Variants in MYO1B observed in about 807,000 individuals in gnomAD.
MYO1B encodes myosin IB.
MYO1B carries 72 observed loss-of-function variants against 159.7 expected under a neutral mutation model. That is an observed-to-expected ratio of 0.45 (90% CI 0.37 to 0.55). The LOEUF is 0.55. MYO1B is among the 20% of genes least tolerant of loss of function. MYO1B has a pLI of 0.00. For synonymous variants in MYO1B, 468 were observed against 473.8 expected, an observed-to-expected ratio of 0.99 and a Z score of 0.16; for missense variants, 1,062 against 1,364.8, an observed-to-expected ratio of 0.78 and a Z score of 3.50.
intron 13 of MYO1B, among the ~76,000 whole-genome samples, chr2:191,374,685 A>G (rs1382657431): frequency 6.6e-6 from 1 of 152,226 alleles, no homozygotes; most frequent in African/African-American, 2.4e-5. Flanking sequence ...GATCAGTAGA[A>G]CATTGATACC....
chr2:191,355,752 C>T (rs1008635304), intron 7 of MYO1B, among the ~76,000 whole-genome samples: 5 of 152,140 alleles, frequency 3.3e-5, no homozygotes, highest in African/African-American at 9.7e-5. Flanking sequence ...TATTTTTTCT[C>T]GTCCTGGGGA....
chr2:191,312,607 T>C (rs1690075749), intron 3 of MYO1B, among the ~76,000 whole-genome samples: 1 of 152,256 alleles, frequency 6.6e-6, no homozygotes, highest in Admixed American at 6.5e-5. Context: ...TATACATGGA[T>C]ACTTTGTTGC....
intron 25 of MYO1B, among the ~76,000 whole-genome samples, 179 bp downstream of exon 25, chr2:191,408,368 T>A (rs1181955282): frequency 6.6e-6 from 1 of 152,256 alleles, no homozygotes; most frequent in Non-Finnish European, 1.5e-5. Context: ...TTCCAAATTC[T>A]GGTAGAATTG....
Position 191,414,612 on chromosome 2 carries a change from G to A in MYO1B, c.3102G>A (p.Val1034=). ...QIKSEVPLVD[V]TKVSMSSQND... ...AGTCAGAGGTTCCATTGGTGGATGTGACCAAGGTATCAATGAGCTCACAAA... is the reference window on the plus strand; with the variant it reads ...AGTCAGAGGTTCCATTGGTGGATGTAACCAAGGTATCAATGAGCTCACAAA... Residue 1034 remains valine (V), a synonymous_variant, in exon 29 of 31, where the codon GTG becomes GTA. Coordinates refer to ENST00000392318, the MANE Select transcript of MYO1B (RefSeq NM_001130158.3). 3.7e-6 allele frequency: 6 copies of A among 1,613,674 alleles called. No homozygotes were observed. Among genetic ancestry groups the A allele is most frequent in the Non-Finnish European group, 5.1e-6 (6 of 1,179,818 alleles).
At chr2:191,363,440 G>A (rs928164524) in intron 9 of MYO1B, among the ~76,000 whole-genome samples, 2 of 151,996 alleles carry the variant, frequency 1.3e-5, no homozygotes, top group Non-Finnish European at 2.9e-5. Flanking sequence ...TAAAAAAAAC[G>A]ACATACATAC....
chr2:191,420,533 A>G (rs1270063315), intron 30 of MYO1B, among the ~76,000 whole-genome samples: 1 of 152,244 alleles, frequency 6.6e-6, no homozygotes, highest in African/African-American at 2.4e-5. Flanking sequence ...CTACAGTACA[A>G]TAACACGCTG....
intron 30 of MYO1B, among the ~76,000 whole-genome samples, chr2:191,423,527 G>A (rs1039117395): frequency 1.3e-5 from 2 of 152,148 alleles, no homozygotes; most frequent in East Asian, 1.9e-4. Flanking sequence ...ATTTTTCCGC[G>A]CTTATGGGAC....
chr2:191,374,503 C>T (rs1394715851), intron 13 of MYO1B, among the ~76,000 whole-genome samples: 1 of 152,090 alleles, frequency 6.6e-6, no homozygotes, highest in Non-Finnish European at 1.5e-5. Context: ...CCTTTTTTAG[C>T]TGAGCTGGTG....
At chr2:191,341,624 G>T in intron 5 of MYO1B, 59 bp downstream of exon 5, 6 of 1,364,884 alleles carry the variant, frequency 4.4e-6, no homozygotes, top group East Asian at 2.3e-5. Context: ...GAGTTATGTG[G>T]GTGCTTTGAG....
Position 191,402,696 on chromosome 2 carries a change from G to C in MYO1B, c.2534G>C (p.Trp845Ser). Reference sequence around the variant, plus strand: ...CGTAAGCATGCAGTTGCTGTCATTTGGGCTTACTGGCTTGGACTGAAGGTA... The same window carrying C: ...CGTAAGCATGCAGTTGCTGTCATTTCGGCTTACTGGCTTGGACTGAAGGTA... ...ARRKHAVAVI[W>S]AYWLGLKVRR... The change falls in exon 24 of 31, where the codon TGG becomes TCG. Residue 845 changes from tryptophan to serine, a missense_variant. Physicochemically the swap from Trp to Ser is radical, Grantham distance 177. Coordinates refer to ENST00000392318, the MANE Select transcript of MYO1B (RefSeq NM_001130158.3). 1.2e-6 allele frequency: 2 copies of C among 1,613,378 alleles called. No homozygotes were observed. Among genetic ancestry groups the C allele is most frequent in the Non-Finnish European group, 1.7e-6 (2 of 1,179,692 alleles).
At chr2:191,301,364 T>A (rs1689320521) in intron 3 of MYO1B, among the ~76,000 whole-genome samples, 1 of 152,166 alleles carries the variant, frequency 6.6e-6, no homozygotes, top group Admixed American at 6.5e-5. Flanking sequence ...AAGGGAGAGA[T>A]GAGGGAAATA....
At chr2:191,311,141 G>A (rs778282824) in intron 3 of MYO1B, among the ~76,000 whole-genome samples, 24 of 152,154 alleles carry the variant, frequency 1.6e-4, no homozygotes, top group Non-Finnish European at 2.5e-4. Context: ...TGTATCCTCA[G>A]TTACAGTAGG....
At chr2:191,374,850 G>C (rs1310476537) in intron 13 of MYO1B, among the ~76,000 whole-genome samples, 1 of 152,218 alleles carries the variant, frequency 6.6e-6, no homozygotes, top group Non-Finnish European at 1.5e-5. Context: ...TAACTGAAAA[G>C]ATGGTCTGTG....
chr2:191,255,921 C>T lies in MYO1B; in HGVS notation c.-10+10295C>T, dbSNP rs144720695. ...CCTTTAAGGTCAGGTCAGGTCAGGTCGGAAGAAGACTGCTCTGCCCTTCCT... is the reference window on the plus strand; with the variant it reads ...CCTTTAAGGTCAGGTCAGGTCAGGTTGGAAGAAGACTGCTCTGCCCTTCCT... On this transcript the variant is annotated intron_variant, in intron 1 of 30. Transcript: ENST00000392318. Among the ~76,000 whole-genome samples, 104 of 152,272 alleles carry T rather than the reference C, an allele frequency of 6.8e-4. 1 individual carries two copies. The East Asian group carries it at 0.01, about 15-fold the overall frequency.
intron 6 of MYO1B, among the ~76,000 whole-genome samples, chr2:191,349,758 T>G (rs765467913): frequency 2.0e-5 from 3 of 152,204 alleles, no homozygotes; most frequent in Non-Finnish European, 2.9e-5. Flanking sequence ...TGTTTCAAGT[T>G]CCTAGCAATG....
intron 2 of MYO1B, among the ~76,000 whole-genome samples, chr2:191,295,503 G>A (rs952382062): frequency 2.0e-5 from 3 of 152,070 alleles, no homozygotes; most frequent in Non-Finnish European, 2.9e-5. Context: ...CTTTAAATTT[G>A]ACACTAAAAC....
chr2:191,272,323 C>T (rs1687501258), intron 1 of MYO1B, among the ~76,000 whole-genome samples: 1 of 152,150 alleles, frequency 6.6e-6, no homozygotes, highest in Admixed American at 6.5e-5. Flanking sequence ...ACTAGTAGCC[C>T]AAACTGAATA....
At chr2:191,364,848 TGCTA>T (rs1056457053) in intron 11 of MYO1B, among the ~76,000 whole-genome samples, 1 of 152,196 alleles carries the variant, frequency 6.6e-6, no homozygotes, top group Admixed American at 6.5e-5. Flanking sequence ...GACTTGCTGG[TGCTA>T]GCTGGTTTAA....
At chr2:191,343,907 C>T (rs35672076) in intron 5 of MYO1B, among the ~76,000 whole-genome samples, 51,038 of 152,074 alleles carry the variant, frequency 0.34, 8,851 homozygotes, top group South Asian at 0.5. Context: ...AGGAATGTGT[C>T]TCAAGTGTTC....
Sources: gnomAD v4.1 joint callset for allele counts (sites outside exome capture counted in the v4.1 genomes callset) on GRCh38, gnomAD v4.1.1 for gene constraint, MANE v1.5 for transcripts, NCBI Gene and HGNC (gene_info 2026-07-23, HGNC 2026-07-21) for gene names.